Variants in THOC1 observed in about 807,000 individuals in gnomAD.
THOC1 encodes the protein THO complex 1.
THOC1 carries 29 observed loss-of-function variants against 97.3 expected under a neutral mutation model. The ratio of observed to expected loss-of-function variants is 0.30; its 90% CI spans 0.22 to 0.41. The LOEUF is 0.41. Among genes scored for constraint, THOC1 ranks in the 10% least tolerant of loss-of-function variants. The pLI is 1.00. For synonymous variants in THOC1, 255 were observed against 257.0 expected (o/e 0.99, Z 0.07); for missense variants, 529 against 761.9 (o/e 0.69, Z 3.60).
At chr18:267,934 G>A in intron 1 of THOC1, 32 bp downstream of exon 1, 1 of 1,593,998 alleles carries the variant, frequency 6.3e-7, no homozygotes, top group Non-Finnish European at 8.6e-7. Flanking sequence ...ATAGCGCCGG[G>A]TCAGGCCTGC....
intron 19 of THOC1, 153 bp from the exon 20 acceptor site, chr18:215,657 T>A: frequency 3.3e-6 from 2 of 611,242 alleles, no homozygotes; most frequent in South Asian, 3.9e-5. Flanking sequence ...CAGGTAAGGA[T>A]CCTAAGTGGG....
At chr18:247,511 G>C (rs918505689) in intron 10 of THOC1, among the ~76,000 whole-genome samples, 1 of 152,188 alleles carries the variant, frequency 6.6e-6, no homozygotes. Context: ...CTGGCCCAGA[G>C]CCATGACTTG....
chr18:225,504 G>A (rs1389634060), intron 12 of THOC1, 101 bp from the exon 13 acceptor site: 8 of 905,172 alleles, frequency 8.8e-6, no homozygotes, highest in Admixed American at 2.7e-5. Flanking sequence ...CTATACTGTG[G>A]ATAGTGTCAA....
rs571687551 is a variant in THOC1, at chr18:219,801, C to T, written c.1371-832G>A. Among the ~76,000 whole-genome samples the T allele has an allele frequency of 4.6e-5, 7 of 152,192 alleles. No individual in the cohort carries two copies. In the East Asian group the frequency reaches 1.2e-3, roughly 25 times the overall value. On this transcript the variant is annotated intron_variant, in intron 17 of 20. Transcript: ENST00000261600. ...AACTTTTACATTAAGTCCCTATCCA[C>T]GAATTATTTTTTCTTTAAACCAGAA... is the stretch of plus-strand genomic sequence containing the variant.
intron 1 of THOC1, among the ~76,000 whole-genome samples, chr18:266,443 C>T (rs1489062159): frequency 6.6e-6 from 1 of 152,144 alleles, no homozygotes; most frequent in Non-Finnish European, 1.5e-5. Flanking sequence ...GGCTCCCTTC[C>T]ACACTTACTG....
intron 11 of THOC1, among the ~76,000 whole-genome samples, chr18:234,795 A>T (rs1911616689): frequency 6.6e-6 from 1 of 152,158 alleles, no homozygotes; most frequent in Admixed American, 6.5e-5. Flanking sequence ...TGAGTTTGTA[A>T]GACATTTTTT....
In THOC1 at chr18:260,293, C is replaced by T. The variant is rs769308809; in HGVS notation, c.268G>A (p.Ala90Thr). Residue 90 changes from alanine (A) to threonine (T), a missense_variant, in exon 5 of 21, where the codon GCA (alanine) becomes ACA (threonine). Ala to Thr is a moderately conservative substitution (Grantham distance 58). This residue lies in a region of THOC1 where 49 missense variants were observed against 91.7 expected (regional missense o/e 0.53). Coordinates refer to ENST00000261600, the MANE Select transcript of THOC1 (RefSeq NM_005131.3). ...CCCAACAATACAAAAGGTGTAGATG[C>T]GGTACAAATACCTTCAAGTGGAGCA... ...IGGVTEGICTASTPFVLLGDV... is the reference protein window; with the variant it reads ...IGGVTEGICTTSTPFVLLGDV... 8 of 1,564,604 alleles carry T rather than the reference C, an allele frequency of 5.1e-6. No homozygotes were observed. The highest frequency in any genetic ancestry group is 1.9e-5 in the Admixed American group (1 of 51,968).
chr18:238,514 T>C (rs1911787145), intron 11 of THOC1, among the ~76,000 whole-genome samples: 1 of 152,244 alleles, frequency 6.6e-6, no homozygotes, highest in Admixed American at 6.5e-5. Context: ...AACTAGGCTA[T>C]ATGGTACAGC....
intron 1 of THOC1, among the ~76,000 whole-genome samples, chr18:265,978 C>G (rs1447058365): frequency 6.6e-6 from 1 of 152,182 alleles, no homozygotes; most frequent in Non-Finnish European, 1.5e-5. Context: ...CACTTTATAT[C>G]AAACTCATTC....
At chr18:236,395 G>T (rs1270914422) in intron 11 of THOC1, among the ~76,000 whole-genome samples, 3 of 119,816 alleles carry the variant, frequency 2.5e-5, no homozygotes, top group African/African-American at 6.4e-5. Flanking sequence ...TCGCTCTGTC[G>T]CCCAGGCGGG....
At chr18:215,600 G>T in intron 19 of THOC1, 96 bp from the exon 20 acceptor site, 1 of 967,982 alleles carries the variant, frequency 1.0e-6, no homozygotes, top group Non-Finnish European at 1.6e-6. Context: ...GAGATTCCAA[G>T]TACAGGGTGC....
Position 252,551 on chromosome 18 carries a change from G to A in THOC1, c.665C>T (p.Ala222Val), listed in dbSNP as rs1296482811. ...VEEGEMGDEEAPTTCSIPIDY... is the reference protein window; with the variant it reads ...VEEGEMGDEEVPTTCSIPIDY... ...TCTGAAAACTCACCACGTTGTTGGA[G>A]CTTCCTCGTCTCCCATTTCGCCTTC... The change falls in exon 9 of 21, where the codon GCT (alanine) becomes GTT (valine). Residue 222 changes from alanine to valine, a missense_variant. By Grantham distance (64) the Ala-to-Val change is moderately conservative. Coordinates refer to ENST00000261600, the MANE Select transcript of THOC1 (RefSeq NM_005131.3). The A allele has an allele frequency of 1.2e-6, 2 of 1,611,092 alleles. No individual in the cohort carries two copies. Among genetic ancestry groups the A allele is most frequent in the Non-Finnish European group, 1.7e-6 (2 of 1,178,556 alleles).
At chr18:215,348 C>G in intron 20 of THOC1, 81 bp downstream of exon 20, 1 of 1,065,076 alleles carries the variant, frequency 9.4e-7, no homozygotes. Flanking sequence ...AGAAGTCGAT[C>G]AAATTAAATA....
intron 4 of THOC1, among the ~76,000 whole-genome samples, chr18:263,207 A>G (rs963482030): frequency 6.6e-6 from 1 of 152,048 alleles, no homozygotes; most frequent in Non-Finnish European, 1.5e-5. Flanking sequence ...CGGCCTCCTG[A>G]GTAGCTGGGA....
At chr18:244,571 CA>C (rs1339255535) in intron 11 of THOC1, 1 of 152,184 alleles carries the variant, frequency 6.6e-6, no homozygotes, top group Non-Finnish European at 1.5e-5. Flanking sequence ...TGCTAACAGT[CA>C]AACTGCTGTG....
intron 15 of THOC1, among the ~76,000 whole-genome samples, chr18:224,487 G>A (rs1440092962): frequency 1.3e-5 from 2 of 151,480 alleles, no homozygotes; most frequent in Admixed American, 6.6e-5. Context: ...GCTGAGGCAT[G>A]AGAATCGCTT....
At chr18:216,082 T>A (rs2143131233) in intron 19 of THOC1, 1 of 163,408 alleles carries the variant, frequency 6.1e-6, no homozygotes, top group East Asian at 1.8e-4. Flanking sequence ...GCCTCTTGAG[T>A]AGCTGGGACT....
Position 243,203 on chromosome 18 carries a change from AATGAAAT to A in THOC1, c.918+3114_918+3120del, listed in dbSNP as rs1160800943. Reference sequence around the variant, plus strand: ...CCTTCCTCGTGATGTGATATTAATTAATGAAATTTCAGTGCTTAATCCTGAAAGTTCA... The same window carrying A: ...CCTTCCTCGTGATGTGATATTAATTATTCAGTGCTTAATCCTGAAAGTTCA... On this transcript the variant is annotated intron_variant, in intron 11 of 20. Transcript: ENST00000261600. Among the ~76,000 whole-genome samples, 6 of 152,320 alleles carry A rather than the reference AATGAAAT, an allele frequency of 3.9e-5. No individual in the cohort carries two copies. In the East Asian group the frequency reaches 1.2e-3, roughly 29 times the overall value.
In THOC1 at chr18:260,308, C is replaced by CA. The variant is rs1470832354; in HGVS notation, c.257-5dup. 2.0e-6 allele frequency: 3 copies of CA among 1,512,882 alleles called. No individual in the cohort carries two copies. The African/African-American group carries it at 4.3e-5, about 22-fold the overall frequency. The allele number at this position is 1,512,882 out of a possible 1,614,324, so 93.7% of individuals were successfully genotyped here. A position where few individuals can be genotyped will look rare whatever the true frequency, so the allele number is the denominator to read the frequency against. On this transcript the variant is annotated splice_polypyrimidine_tract_variant and splice_region_variant and intron_variant, in intron 4 of 20. Transcript: ENST00000261600. ...GGTGTAGATGCGGTACAAATACCTT[C>CA]AAGTGGAGCACAAGCCAATTTAAAA... is the stretch of plus-strand genomic sequence containing the variant.
Sources: allele counts gnomAD v4.1 joint callset (sites outside exome capture counted in the v4.1 genomes callset), GRCh38; gene constraint gnomAD v4.1.1; regional missense constraint gnomAD v4.1.1; transcripts MANE v1.5; gene names NCBI Gene and HGNC (gene_info 2026-07-23, HGNC 2026-07-21).